BRINP3: variants seen among roughly 807,000 people sequenced by gnomAD.
The protein encoded by BRINP3 is BMP/retinoic acid inducible neural specific 3, also known as BMP/retinoic acid-inducible neural-specific protein 3.
Under a neutral mutation model 71.0 loss-of-function variants are expected in BRINP3, and 19 were observed. That is an observed-to-expected ratio of 0.27 (90% CI 0.19 to 0.39). BRINP3 has a LOEUF of 0.39. Among genes scored for constraint, BRINP3 ranks in the 10% least tolerant of loss-of-function variants. The probability of loss-of-function intolerance (pLI) is 1.00; values close to 1 mark genes in which losing one functional copy is unlikely to be tolerated. For missense variants in BRINP3, 959 were observed against 940.8 expected (o/e 1.02, Z -0.25); for synonymous variants, 380 against 337.7 (o/e 1.13, Z -1.37).
At chr1:190,232,819 C>T (rs974394364) in intron 5 of BRINP3, among the ~76,000 whole-genome samples, 2 of 151,960 alleles carry the variant, frequency 1.3e-5, no homozygotes, top group African/African-American at 2.4e-5. Context: ...TTGGTATAAA[C>T]GTGCTGTCAT....
intron 6 of BRINP3, among the ~76,000 whole-genome samples, chr1:190,211,433 G>T (rs1316190026): frequency 1.3e-5 from 2 of 152,042 alleles, no homozygotes; most frequent in African/African-American, 4.8e-5. Context: ...CAGTTACAAT[G>T]ACATTCTTAG....
intron 2 of BRINP3, among the ~76,000 whole-genome samples, chr1:190,303,796 A>T (rs956838718): frequency 6.6e-6 from 1 of 151,838 alleles, no homozygotes; most frequent in Non-Finnish European, 1.5e-5. Context: ...AATCTGGCAA[A>T]TTGGAAAATG....
intron 5 of BRINP3, among the ~76,000 whole-genome samples, chr1:190,230,648 T>A (rs1035404446): frequency 6.6e-6 from 1 of 151,866 alleles, no homozygotes. Context: ...ATAAAAAAAG[T>A]ATATATGTAT....
intron 2 of BRINP3, among the ~76,000 whole-genome samples, chr1:190,383,076 C>T (rs1558236977): frequency 6.6e-6 from 1 of 152,110 alleles, no homozygotes. Flanking sequence ...AGTATATTGG[C>T]ACTCTTCCAT....
At chr1:190,431,208 G>A (rs912720294) in intron 2 of BRINP3, among the ~76,000 whole-genome samples, 1 of 151,912 alleles carries the variant, frequency 6.6e-6, no homozygotes, top group Admixed American at 6.6e-5. Flanking sequence ...CATTTAGTAT[G>A]GCTATTGCTT....
chr1:190,447,886 A>G (rs1356829878), intron 2 of BRINP3, among the ~76,000 whole-genome samples: 1 of 151,704 alleles, frequency 6.6e-6, no homozygotes, highest in Non-Finnish European at 1.5e-5. Context: ...GCCTGATCAT[A>G]AAATTTACAC....
intron 4 of BRINP3, among the ~76,000 whole-genome samples, chr1:190,249,099 T>G (rs1296968338): frequency 6.6e-6 from 1 of 151,802 alleles, no homozygotes; most frequent in Non-Finnish European, 1.5e-5. Context: ...GCAAGAATAT[T>G]AGAATACTTC....
chr1:190,311,010 T>A (rs1665477936), intron 2 of BRINP3, among the ~76,000 whole-genome samples: 1 of 151,734 alleles, frequency 6.6e-6, no homozygotes, highest in Non-Finnish European at 1.5e-5. Context: ...TAAATCATTA[T>A]TGAATGCTAG....
At chr1:190,430,001 T>G (rs991489222) in intron 2 of BRINP3, among the ~76,000 whole-genome samples, 1 of 152,186 alleles carries the variant, frequency 6.6e-6, no homozygotes, top group Non-Finnish European at 1.5e-5. Flanking sequence ...TCTTGTTACA[T>G]GAGATTCTAG....
chr1:190,301,200 C>T (rs12732289), intron 2 of BRINP3, among the ~76,000 whole-genome samples: 47,288 of 87,518 alleles, frequency 0.54, 10,772 homozygotes, highest in Admixed American at 0.64. Flanking sequence ...TATATATACA[C>T]ATACATATAT....
At chr1:190,409,299 AT>A (rs1672503072) in intron 2 of BRINP3, among the ~76,000 whole-genome samples, 1 of 152,132 alleles carries the variant, frequency 6.6e-6, no homozygotes, top group Non-Finnish European at 1.5e-5. Context: ...AAACAGCATT[AT>A]TTTATTTAGT....
intron 7 of BRINP3, among the ~76,000 whole-genome samples, chr1:190,107,754 C>T (rs941750578): frequency 6.6e-6 from 1 of 151,926 alleles, no homozygotes; most frequent in Admixed American, 6.6e-5. Flanking sequence ...CCCCTCCAAA[C>T]AAAATTGCTA....
intron 2 of BRINP3, among the ~76,000 whole-genome samples, chr1:190,441,525 C>T (rs1471768847): frequency 3.3e-5 from 5 of 151,900 alleles, no homozygotes; most frequent in Non-Finnish European, 5.9e-5. Flanking sequence ...GGAGGTTTCT[C>T]ATTATTTAAT....
chr1:190,196,309 C>T (rs187330775), intron 6 of BRINP3, among the ~76,000 whole-genome samples: 2 of 152,204 alleles, frequency 1.3e-5, no homozygotes, highest in East Asian at 3.9e-4. Context: ...TAGATTTAGA[C>T]TTCTTGGGTG....
Position 190,101,947 on chromosome 1 carries a change from C to T in BRINP3, c.1185-2813G>A, listed in dbSNP as rs139329669. Reference sequence around the variant, plus strand: ...AATACATTATGGAAGGAAAGCGTTTCGGCTGTTGGATTTCAGCTTCTTGGG... The same window carrying T: ...AATACATTATGGAAGGAAAGCGTTTTGGCTGTTGGATTTCAGCTTCTTGGG... On this transcript the variant is annotated intron_variant, in intron 7 of 7. Coordinates refer to ENST00000367462, the MANE Select transcript of BRINP3 (RefSeq NM_199051.3). Among the ~76,000 whole-genome samples the T allele has an allele frequency of 7.9e-3, 1,201 of 152,194 alleles. 10 individuals carry two copies. The highest frequency in any genetic ancestry group is 0.02 in the Middle Eastern group (6 of 294).
At chr1:190,135,973 C>G (rs1190270224) in intron 7 of BRINP3, among the ~76,000 whole-genome samples, 1 of 151,894 alleles carries the variant, frequency 6.6e-6, no homozygotes, top group Non-Finnish European at 1.5e-5. Context: ...AATTATCTTA[C>G]CATGAAATGT....
rs561706847 is a variant in BRINP3, at chr1:190,358,832, T to TA, written c.237-77083dup. 1.7e-3 allele frequency among the ~76,000 whole-genome samples: 264 copies of TA among 152,154 alleles called. 2 individuals carry two copies. The highest frequency in any genetic ancestry group is 0.016 in the East Asian group (84 of 5,162). On this transcript the variant is annotated intron_variant, in intron 2 of 7. Transcript: ENST00000367462. ...TACACCATGGAATACTATGCAGCCA[T>TA]AAAAAATGATGAGTTCATGTCCTTT... is the stretch of plus-strand genomic sequence containing the variant.
intron 2 of BRINP3, among the ~76,000 whole-genome samples, chr1:190,292,495 A>G (rs2102970976): frequency 6.6e-6 from 1 of 152,162 alleles, no homozygotes; most frequent in Middle Eastern, 3.4e-3. Flanking sequence ...CAAAAAAATA[A>G]AAAATAGCTT....
At position 190,456,446 on chromosome 1, in the gene BRINP3, T is replaced by TAGA. The variant is rs529356911; in HGVS notation, c.-50-1507_-50-1506insTCT. 3.3e-3 allele frequency among the ~76,000 whole-genome samples: 505 copies of TAGA among 152,274 alleles called. 1 individual carries two copies. Among genetic ancestry groups the TAGA allele is most frequent in the South Asian group, 0.014 (67 of 4,830 alleles). On this transcript the variant is annotated intron_variant, in intron 1 of 7. Transcript: ENST00000367462. ...AAAAATGATTTTCTATAAGAAGGAA[T>TAGA]ATTATAATAGAAGAATTTTGGAATA...
Sources: allele counts gnomAD v4.1 joint callset (sites outside exome capture counted in the v4.1 genomes callset), GRCh38; gene constraint gnomAD v4.1.1; transcripts MANE v1.5; gene names NCBI Gene and HGNC (gene_info 2026-07-23, HGNC 2026-07-21).